Variants in ADAM2 observed in about 807,000 individuals in gnomAD.
ADAM2 encodes the protein disintegrin and metalloproteinase domain-containing protein 2.
Under a neutral mutation model 99.3 loss-of-function variants are expected in ADAM2, and 101 were observed. That is an observed-to-expected ratio of 1.02 (90% CI 0.87 to 1.20). ADAM2 has a LOEUF of 1.20. Ranked by LOEUF, ADAM2 falls within the 50% of genes most tolerant of loss-of-function variation. The pLI is 0.00. For synonymous variants in ADAM2, 323 were observed against 287.6 expected (o/e 1.12, Z -1.25); for missense variants, 948 against 878.7 (o/e 1.08, Z -1.00).
At chr8:39,823,946 G>A (rs1158754876) in intron 4 of ADAM2, among the ~76,000 whole-genome samples, 1 of 151,946 alleles carries the variant, frequency 6.6e-6, no homozygotes, top group Non-Finnish European at 1.5e-5. Context: ...ACAACAAATG[G>A]AAAACACAAC....
intron 3 of ADAM2, 132 bp from the exon 4 acceptor site, chr8:39,825,029 T>C (rs940588725): frequency 3.3e-6 from 2 of 601,990 alleles, no homozygotes; most frequent in South Asian, 2.1e-5. Context: ...TCTAAATATA[T>C]GGATTTTGTT....
At chr8:39,780,267 C>A (rs767463010) in intron 10 of ADAM2, among the ~76,000 whole-genome samples, 2 of 152,064 alleles carry the variant, frequency 1.3e-5, no homozygotes, top group Non-Finnish European at 2.9e-5. Flanking sequence ...TACCTCCCAC[C>A]GGGTCCCTCC....
intron 13 of ADAM2, 39 bp downstream of exon 13, chr8:39,767,110 CTACT>C (rs1563343927): frequency 1.3e-6 from 2 of 1,596,752 alleles, no homozygotes; most frequent in East Asian, 2.2e-5. Flanking sequence ...ATAATGATAA[CTACT>C]TATGTAGGTA....
At chr8:39,822,842 C>T (rs1025752500) in intron 4 of ADAM2, among the ~76,000 whole-genome samples, 30 of 151,858 alleles carry the variant, frequency 2.0e-4, no homozygotes, top group African/African-American at 6.3e-4. Context: ...GATCTCGGCT[C>T]ACTGCAATCT....
rs947192134 is a variant in ADAM2 at position 39,837,010 on chromosome 8, C to T, written c.132+126G>A. On this transcript the variant is annotated intron_variant, in intron 2 of 20. Transcript: ENST00000265708. ...TCATTTTCAAAAGGGCTTTTCCATT[C>T]AGGGAAAATTTGGTATAAATATAAA... 7.6e-6 allele frequency: 5 copies of T among 654,930 alleles called. No individual in the cohort carries two copies. In the South Asian group the frequency reaches 1.3e-4, roughly 17 times the overall value. The allele number at this position is 654,930 out of a possible 1,614,324, so 40.6% of individuals were successfully genotyped here.
intron 12 of ADAM2, among the ~76,000 whole-genome samples, chr8:39,767,726 A>G (rs1802625581): frequency 6.6e-6 from 1 of 152,146 alleles, no homozygotes; most frequent in Admixed American, 6.5e-5. Flanking sequence ...GGTCTGGAAA[A>G]TGATATTATT....
At chr8:39,797,645 G>C (rs539102108) in intron 7 of ADAM2, among the ~76,000 whole-genome samples, 2 of 152,240 alleles carry the variant, frequency 1.3e-5, no homozygotes, top group East Asian at 3.9e-4. Context: ...GGGCAGTATG[G>C]CCATTTTCAT....
At chr8:39,787,134 AT>A (rs1803498337) in intron 9 of ADAM2, 79 bp from the exon 10 acceptor site, 1 of 821,016 alleles carries the variant, frequency 1.2e-6, no homozygotes, top group African/African-American at 1.8e-5. Flanking sequence ...TTTTACATTT[AT>A]GATAATCATT....
At position 39,767,166 on chromosome 8, in the gene ADAM2, C is replaced by T; in HGVS notation, c.1298G>A (p.Cys433Tyr). 2 of 1,606,358 alleles carry T rather than the reference C, an allele frequency of 1.2e-6. No homozygotes were observed. Among genetic ancestry groups the T allele is most frequent in the Non-Finnish European group, 1.7e-6 (2 of 1,178,346 alleles). ...AGSNCAEGPC[C>Y]ENCLFMSKER... is the part of the protein sequence containing the mutation. ...AAAAGCTCTTACTAGACAGTTTTCGCAGCATGGTCCTTCAGCACAGTTTGA... is the reference window on the plus strand; with the variant it reads ...AAAAGCTCTTACTAGACAGTTTTCGTAGCATGGTCCTTCAGCACAGTTTGA... The change falls in exon 13 of 21, where the codon TGC becomes TAC. Residue 433 changes from cysteine to tyrosine, a missense_variant. Coordinates refer to ENST00000265708, the MANE Select transcript of ADAM2 (RefSeq NM_001464.5).
chr8:39,747,184 C>T (rs1405309330), intron 18 of ADAM2, among the ~76,000 whole-genome samples: 1 of 152,118 alleles, frequency 6.6e-6, no homozygotes, highest in Non-Finnish European at 1.5e-5. Flanking sequence ...GTCCTTTTCA[C>T]ATCTGACTAC....
chr8:39,825,692 T>C (rs1219924845), intron 3 of ADAM2, among the ~76,000 whole-genome samples: 1 of 152,096 alleles, frequency 6.6e-6, no homozygotes, highest in Non-Finnish European at 1.5e-5. Flanking sequence ...AAAAGGATGT[T>C]ACTTTTGAAG....
chr8:39,775,074 C>T (rs928774809), intron 11 of ADAM2, among the ~76,000 whole-genome samples: 2 of 152,048 alleles, frequency 1.3e-5, no homozygotes, highest in African/African-American at 4.8e-5. Context: ...CTGCGGGGCC[C>T]ACAGGAAAAT....
chr8:39,746,070 G>C (rs1823434737), intron 19 of ADAM2, among the ~76,000 whole-genome samples: 2 of 151,778 alleles, frequency 1.3e-5, no homozygotes, highest in African/African-American at 4.8e-5. Context: ...CTGTTGCCTA[G>C]GCTAGAGTGC....
intron 2 of ADAM2, among the ~76,000 whole-genome samples, chr8:39,835,861 AT>A (rs1319428200): frequency 2.6e-5 from 4 of 152,072 alleles, no homozygotes; most frequent in East Asian, 1.9e-4. Flanking sequence ...TATTTTAAAA[AT>A]AAACTAGGCT....
chr8:39,788,743 G>A lies in ADAM2; in HGVS notation c.571-3C>T. ...GTATCAGACCCCATATGATTATACT[G>A]TAAAATATTATTACATTTTAGATAT... On this transcript the variant is annotated splice_region_variant and splice_polypyrimidine_tract_variant and intron_variant, in intron 7 of 20. Transcript: ENST00000265708. 3 of 1,453,122 alleles carry A rather than the reference G, an allele frequency of 2.1e-6. No individual in the cohort carries two copies. The highest frequency in any genetic ancestry group is 1.9e-6 in the Non-Finnish European group (2 of 1,075,568). The allele number at this position is 1,453,122 out of a possible 1,614,324, so 90.0% of individuals were successfully genotyped here.
chr8:39,761,549 T>G (rs1004901885), intron 14 of ADAM2, among the ~76,000 whole-genome samples: 1 of 152,228 alleles, frequency 6.6e-6, no homozygotes, highest in Admixed American at 6.5e-5. Context: ...CCTCTAATCA[T>G]AGTAAGTCTA....
rs200438968 is a variant in ADAM2 at position 39,781,278 on chromosome 8, TGTG to T, written c.892-4120_892-4118del. 6.7e-3 allele frequency among the ~76,000 whole-genome samples: 1,022 copies of T among 152,148 alleles called. 9 individuals are homozygous for T. The highest frequency in any genetic ancestry group is 0.023 in the African/African-American group (964 of 41,504). ...TTGGGGAAGTGCATACGTGTGTACT[TGTG>T]TGTGTGTGCGCATGTGTGTGTGTGT... On this transcript the variant is annotated intron_variant, in intron 10 of 20. Transcript: ENST00000265708.
At chr8:39,829,195 T>A (rs1805524478) in intron 3 of ADAM2, among the ~76,000 whole-genome samples, 1 of 151,976 alleles carries the variant, frequency 6.6e-6, no homozygotes, top group Admixed American at 6.5e-5. Context: ...TAAGATTTAG[T>A]CATGGCCTTT....
Position 39,837,190 on chromosome 8 carries a change from T to C in ADAM2, c.78A>G (p.Gln26=), listed in dbSNP as rs772926543. Residue 26 remains glutamine (Q), a synonymous_variant, in exon 2 of 21, where the codon CAA becomes CAG. Transcript: ENST00000265708. The part of the protein sequence containing the change: ...MDSNFDSLPV[Q]ITVPEKIRSI... ...ACCGTATTTTCTCCGGAACTGTAAT[T>C]TGCACAGGTAAACTATCAAAATCTG... 4 of 1,609,994 alleles carry C rather than the reference T, an allele frequency of 2.5e-6. No individual in the cohort carries two copies. The highest frequency in any genetic ancestry group is 3.4e-6 in the Non-Finnish European group (4 of 1,177,506).
Sources: allele counts gnomAD v4.1 joint callset (sites outside exome capture counted in the v4.1 genomes callset), GRCh38; gene constraint gnomAD v4.1.1; transcripts MANE v1.5; gene names NCBI Gene and HGNC (gene_info 2026-07-23, HGNC 2026-07-21).